PLXNA2: variants seen among roughly 807,000 people sequenced by gnomAD.
PLXNA2 encodes the protein plexin A2.
A neutral mutation model predicts 193.5 loss-of-function variants in PLXNA2; 91 were observed. The ratio of observed to expected loss-of-function variants is 0.47; its 90% CI spans 0.40 to 0.56. The LOEUF is 0.56. Ranked by LOEUF, PLXNA2 falls within the 20% of genes least tolerant of loss-of-function variation. PLXNA2 has a pLI of 0.00. For missense variants in PLXNA2, 1,995 were observed against 2,503.2 expected (o/e 0.80, Z 4.33); for synonymous variants, 997 against 1,027.3 (o/e 0.97, Z 0.56).
At chr1:208,186,216 T>C (rs1669992968) in intron 3 of PLXNA2, among the ~76,000 whole-genome samples, 2 of 152,126 alleles carry the variant, frequency 1.3e-5, no homozygotes, top group Admixed American at 1.3e-4. Flanking sequence ...CTTGGGTAGG[T>C]GGAGACAACC....
intron 6 of PLXNA2, among the ~76,000 whole-genome samples, chr1:208,098,336 G>T (rs1571912787): frequency 1.3e-5 from 2 of 152,054 alleles, no homozygotes; most frequent in African/African-American, 4.8e-5. Flanking sequence ...GTTGTACCTT[G>T]ATAGATAGTT....
intron 31 of PLXNA2, 86 bp from the exon 32 acceptor site, chr1:208,027,424 G>A (rs971965493): frequency 2.8e-5 from 29 of 1,052,388 alleles, no homozygotes; most frequent in Non-Finnish European, 4.2e-5. Flanking sequence ...TTTGCCCTCT[G>A]TCTACCTTTC....
In PLXNA2 at chr1:208,051,574, G is replaced by A. The variant is rs77558262; in HGVS notation, c.2994-151C>T. Reference sequence around the variant, plus strand: ...ATTCTACAACAATGGAACACATCCCGCATCAGTATAGATCAGTGCCCCAGT... The same window carrying A: ...ATTCTACAACAATGGAACACATCCCACATCAGTATAGATCAGTGCCCCAGT... On this transcript the variant is annotated intron_variant, in intron 15 of 31. Transcript: ENST00000367033. 3.9e-3 allele frequency: 2,442 copies of A among 628,602 alleles called. 52 individuals are homozygous for A. In the African/African-American group the frequency reaches 0.041, roughly 11 times the overall value. The allele number at this position is 628,602 out of a possible 1,614,324, so 38.9% of individuals were successfully genotyped here.
rs766287102 is a variant in PLXNA2, at chr1:208,111,392, G to T, written c.1507-8145C>A. Among the ~76,000 whole-genome samples, 97 of 152,130 alleles carry T rather than the reference G, an allele frequency of 6.4e-4. 1 individual carries two copies. Among genetic ancestry groups the T allele is most frequent in the South Asian group, 1.7e-3 (8 of 4,818 alleles). ...GGACTTCTGTTTTTAAGCTTACTAG[G>T]ACCAGAACGATAATGGAAGAGGCTG... On this transcript the variant is annotated intron_variant, in intron 4 of 31. Transcript: ENST00000367033.
At chr1:208,131,219 C>T (rs1369517411) in intron 4 of PLXNA2, among the ~76,000 whole-genome samples, 3 of 152,180 alleles carry the variant, frequency 2.0e-5, no homozygotes, top group African/African-American at 7.2e-5. Context: ...TTCCCCTTTG[C>T]CTCTGCCCCT....
chr1:208,185,070 C>T (rs1485562687), intron 3 of PLXNA2, among the ~76,000 whole-genome samples: 2 of 152,234 alleles, frequency 1.3e-5, no homozygotes, highest in Non-Finnish European at 2.9e-5. Context: ...TAAGGAATCC[C>T]TGCCTCTCAC....
chr1:208,088,849 G>A (rs1407993959), intron 9 of PLXNA2, among the ~76,000 whole-genome samples: 1 of 152,220 alleles, frequency 6.6e-6, no homozygotes, highest in Non-Finnish European at 1.5e-5. Flanking sequence ...GTGTGTGCGT[G>A]TGAGTGTGAC....
At chr1:208,179,530 C>G (rs1669771007) in intron 3 of PLXNA2, among the ~76,000 whole-genome samples, 1 of 152,176 alleles carries the variant, frequency 6.6e-6, no homozygotes, top group Non-Finnish European at 1.5e-5. Context: ...CCTTCTCCCC[C>G]ACCAGACCAA....
At chr1:208,092,091 T>C (rs2102402730) in intron 9 of PLXNA2, among the ~76,000 whole-genome samples, 1 of 152,328 alleles carries the variant, frequency 6.6e-6, no homozygotes, top group South Asian at 2.1e-4. Flanking sequence ...GGCTTCACTG[T>C]CCTGAGACAT....
intron 5 of PLXNA2, among the ~76,000 whole-genome samples, chr1:208,100,919 C>T (rs961090342): frequency 6.6e-6 from 1 of 152,208 alleles, no homozygotes; most frequent in Non-Finnish European, 1.5e-5. Context: ...GTGTCCAAAC[C>T]AAATAGCCAT....
At chr1:208,210,151 AT>A in intron 3 of PLXNA2, 128 bp downstream of exon 3, 1 of 982,782 alleles carries the variant, frequency 1.0e-6, no homozygotes, top group Non-Finnish European at 1.6e-6. Context: ...TTACCTCCCC[AT>A]TTCACCTTTG....
chr1:208,184,460 C>G (rs985108847), intron 3 of PLXNA2, among the ~76,000 whole-genome samples: 1 of 151,590 alleles, frequency 6.6e-6, no homozygotes. Flanking sequence ...CCAAGGCCAG[C>G]CCTAGATAAT....
intron 26 of PLXNA2, among the ~76,000 whole-genome samples, chr1:208,037,416 T>C (rs1664704520): frequency 6.6e-6 from 1 of 152,160 alleles, no homozygotes; most frequent in South Asian, 2.1e-4. Context: ...CAGCGCCTGG[T>C]GGTTGGCAGC....
At chr1:208,077,259 T>C (rs545131506) in intron 12 of PLXNA2, among the ~76,000 whole-genome samples, 2 of 152,240 alleles carry the variant, frequency 1.3e-5, no homozygotes, top group East Asian at 3.9e-4. Context: ...CAGCAGGAGA[T>C]TGGGGCCTCT....
intron 2 of PLXNA2, among the ~76,000 whole-genome samples, chr1:208,214,126 TA>T (rs201843033): frequency 1.1e-3 from 164 of 144,762 alleles, no homozygotes; most frequent in East Asian, 1.2e-3. Context: ...ATTTTGGCGT[TA>T]AAAAAAAAAA....
chr1:208,228,601 C>A (rs1207657524), intron 1 of PLXNA2, among the ~76,000 whole-genome samples: 1 of 152,176 alleles, frequency 6.6e-6, no homozygotes, highest in Non-Finnish European at 1.5e-5. Flanking sequence ...CCTATGGAAA[C>A]ACCTTCTGTG....
intron 4 of PLXNA2, among the ~76,000 whole-genome samples, chr1:208,125,953 T>G (rs1020773252): frequency 1.3e-5 from 2 of 152,214 alleles, no homozygotes; most frequent in African/African-American, 4.8e-5. Flanking sequence ...TGAGCTCTGT[T>G]GCGGTCACAG....
chr1:208,141,995 C>T (rs1269033635), intron 4 of PLXNA2, among the ~76,000 whole-genome samples: 1 of 152,234 alleles, frequency 6.6e-6, no homozygotes, highest in Non-Finnish European at 1.5e-5. Flanking sequence ...TCTTTGGCTC[C>T]CTTGAGCAGC....
intron 4 of PLXNA2, among the ~76,000 whole-genome samples, chr1:208,131,376 C>T (rs1416288318): frequency 1.3e-5 from 2 of 152,172 alleles, no homozygotes; most frequent in African/African-American, 2.4e-5. Flanking sequence ...AACAACAAAA[C>T]GAATCAGACT....
Sources: allele counts gnomAD v4.1 joint callset (sites outside exome capture counted in the v4.1 genomes callset), GRCh38; gene constraint gnomAD v4.1.1; transcripts MANE v1.5; gene names NCBI Gene and HGNC (gene_info 2026-07-23, HGNC 2026-07-21).